Variants in SH2D4B observed in about 807,000 individuals in gnomAD.
SH2D4B encodes the protein SH2 domain containing 4B.
Under a neutral mutation model 61.5 loss-of-function variants are expected in SH2D4B, and 45 were observed. The ratio of observed to expected loss-of-function variants is 0.73; its 90% CI spans 0.58 to 0.94. The LOEUF is 0.94. Ranked by LOEUF, SH2D4B falls within the 40% of genes least tolerant of loss-of-function variation. The pLI is 0.00. For synonymous variants in SH2D4B, 224 were observed against 220.4 expected (o/e 1.02, Z -0.14); for missense variants, 572 against 574.2 (o/e 1.00, Z 0.04).
chr10:80,617,845 T>C (rs1045362819), intron 6 of SH2D4B, among the ~76,000 whole-genome samples: 1 of 152,192 alleles, frequency 6.6e-6, no homozygotes, highest in African/African-American at 2.4e-5. Context: ...TCTCCCAGGC[T>C]CAAATCCAGC....
At chr10:80,588,853 C>T in intron 4 of SH2D4B, 76 bp downstream of exon 4, 3 of 1,552,478 alleles carry the variant, frequency 1.9e-6, no homozygotes, top group Non-Finnish European at 2.6e-6. Flanking sequence ...CTGATGTACT[C>T]ATTCGTCATT....
At chr10:80,612,198 T>TTTTTTTCC (rs59848195) in intron 6 of SH2D4B, among the ~76,000 whole-genome samples, 2 of 125,206 alleles carry the variant, frequency 1.6e-5, no homozygotes, top group African/African-American at 6.4e-5. Flanking sequence ...TTTTTTTTTT[T>TTTTTTTCC]CAACTTTACT....
At chr10:80,569,089 A>G (rs557087279) in intron 1 of SH2D4B, among the ~76,000 whole-genome samples, 16 of 152,346 alleles carry the variant, frequency 1.1e-4, no homozygotes, top group South Asian at 2.1e-4. Flanking sequence ...TAATCAGCGG[A>G]ATCTGCTGCA....
chr10:80,591,682 G>A lies in SH2D4B; in HGVS notation c.643+2905G>A, dbSNP rs563437796. On this transcript the variant is annotated intron_variant, in intron 4 of 7. Coordinates refer to ENST00000646907, the MANE Select transcript of SH2D4B (RefSeq NM_001388272.1). ...CACCCAGTTAATTTATGTAATTTTA[G>A]TAGAGACAGGGTTTCATCATGTTGG... Among the ~76,000 whole-genome samples, 41 of 152,058 alleles carry A rather than the reference G, an allele frequency of 2.7e-4. No homozygotes were observed. In the South Asian group the frequency reaches 8.3e-3, roughly 31 times the overall value.
intron 6 of SH2D4B, among the ~76,000 whole-genome samples, chr10:80,626,792 TTGTTTATTTCACAG>T (rs112087842): frequency 0.032 from 4,855 of 152,304 alleles, 278 homozygotes; most frequent in African/African-American, 0.11. Context: ...CTCTTCCTTC[TTGTTTATTTCACAG>T]CATTTACCAT....
At chr10:80,632,734 C>T (rs984315892) in intron 6 of SH2D4B, among the ~76,000 whole-genome samples, 3 of 152,064 alleles carry the variant, frequency 2.0e-5, no homozygotes, top group Non-Finnish European at 4.4e-5. Context: ...CTTTCCCTTC[C>T]GGTCCTCTTT....
chr10:80,545,917 A>G (rs1428268212), intron 1 of SH2D4B, among the ~76,000 whole-genome samples: 1 of 152,196 alleles, frequency 6.6e-6, no homozygotes, highest in Non-Finnish European at 1.5e-5. Context: ...GCTGATATAC[A>G]ATAATATATG....
At chr10:80,596,874 A>G (rs1842391085) in intron 4 of SH2D4B, among the ~76,000 whole-genome samples, 1 of 152,224 alleles carries the variant, frequency 6.6e-6, no homozygotes, top group Non-Finnish European at 1.5e-5. Flanking sequence ...ATCTGCACCC[A>G]GTTAAGACTG....
intron 5 of SH2D4B, among the ~76,000 whole-genome samples, chr10:80,606,489 GGC>G (rs1215291376): frequency 2.0e-5 from 3 of 152,018 alleles, no homozygotes; most frequent in African/African-American, 7.3e-5. Flanking sequence ...TGGGATTACA[GGC>G]GCGCGCCAGT....
chr10:80,547,631 T>C (rs1841699754), intron 1 of SH2D4B, among the ~76,000 whole-genome samples: 1 of 152,178 alleles, frequency 6.6e-6, no homozygotes, highest in African/African-American at 2.4e-5. Context: ...GTGATGTTTA[T>C]TTACCATTAG....
chr10:80,616,684 G>A (rs187530032), intron 6 of SH2D4B, among the ~76,000 whole-genome samples: 103 of 152,316 alleles, frequency 6.8e-4, no homozygotes, highest in Non-Finnish European at 1.1e-3. Context: ...CTTGTCAGAT[G>A]TACATTGGCT....
intron 4 of SH2D4B, among the ~76,000 whole-genome samples, chr10:80,595,801 G>A (rs1052393232): frequency 4.6e-5 from 7 of 152,204 alleles, no homozygotes; most frequent in African/African-American, 7.2e-5. Context: ...CCTTAATAGC[G>A]TGTTCAGGGA....
intron 1 of SH2D4B, among the ~76,000 whole-genome samples, chr10:80,545,384 T>C (rs1310465644): frequency 6.6e-6 from 1 of 151,636 alleles, no homozygotes; most frequent in African/African-American, 2.4e-5. Context: ...TTCTTTTGCT[T>C]CTCCTCCTCC....
At chr10:80,544,650 C>G (rs1158916846) in intron 1 of SH2D4B, among the ~76,000 whole-genome samples, 1 of 152,238 alleles carries the variant, frequency 6.6e-6, no homozygotes, top group Non-Finnish European at 1.5e-5. Context: ...CTGCCTGGAC[C>G]CCTGCATGGA....
rs760159968 is a variant in SH2D4B at position 80,588,644 on chromosome 10, G to C, written c.510G>C (p.Glu170Asp). 6.2e-7 allele frequency: 1 copy of C among 1,613,978 alleles called. No individual in the cohort carries two copies. Among genetic ancestry groups the C allele is most frequent in the Non-Finnish European group, 8.5e-7 (1 of 1,180,024 alleles). The part of the protein sequence containing the change: ...IHEEFKRKEE[E>D]ERKRGEEQIR... ...TGACATTTTAGAGGAAAGAGGAAGA[G>C]GAGAGGAAGCGAGGAGAAGAGCAGA... Residue 170 changes from glutamate (E) to aspartate (D), a missense_variant, in exon 4 of 8, where the codon GAG becomes GAC. Physicochemically the swap from Glu to Asp is conservative, Grantham distance 45. Transcript: ENST00000646907.
intron 6 of SH2D4B, among the ~76,000 whole-genome samples, chr10:80,630,096 G>A (rs1176304377): frequency 6.6e-6 from 1 of 151,480 alleles, no homozygotes; most frequent in Non-Finnish European, 1.5e-5. Context: ...TCTGACACCT[G>A]TGGAGGGAGA....
At chr10:80,572,965 TATATATATATATA>T (rs1842071712) in intron 3 of SH2D4B, among the ~76,000 whole-genome samples, 1 of 8,132 alleles carries the variant, frequency 1.2e-4, no homozygotes, top group African/African-American at 5.6e-4. Flanking sequence ...TATATATATA[TATATATATATATA>T]TATATATATT....
intron 4 of SH2D4B, among the ~76,000 whole-genome samples, chr10:80,599,348 A>C (rs536917521): frequency 1.3e-5 from 2 of 152,240 alleles, no homozygotes; most frequent in East Asian, 3.9e-4. Context: ...CTCCTTGGAC[A>C]TAACTGACTT....
At chr10:80,567,123 C>A (rs1435803272) in intron 1 of SH2D4B, among the ~76,000 whole-genome samples, 3 of 152,152 alleles carry the variant, frequency 2.0e-5, no homozygotes, top group Non-Finnish European at 4.4e-5. Flanking sequence ...TGCTTTTTTT[C>A]CGTGAAATTC....
Sources: gnomAD v4.1 joint callset for allele counts (sites outside exome capture counted in the v4.1 genomes callset) on GRCh38, gnomAD v4.1.1 for gene constraint, MANE v1.5 for transcripts, NCBI Gene and HGNC (gene_info 2026-07-23, HGNC 2026-07-21) for gene names.